LHFPL6: variants seen among roughly 807,000 people sequenced by gnomAD.
LHFPL6 encodes the protein LHFPL tetraspan subfamily member 6.
In LHFPL6, 9 loss-of-function variants were observed where a neutral mutation model predicts 20.6. That is an observed-to-expected ratio of 0.44 (90% CI 0.26 to 0.76). The LOEUF is 0.76. LHFPL6 is among the 30% of genes least tolerant of loss of function. The pLI is 0.20. For missense variants in LHFPL6, 218 were observed against 253.5 expected, an observed-to-expected ratio of 0.86 and a Z score of 0.95; for synonymous variants, 105 against 98.7, an observed-to-expected ratio of 1.06 and a Z score of -0.38.
Position 39,550,099 on chromosome 13 carries a change from T to A in LHFPL6, c.385+50733A>T, listed in dbSNP as rs372197976. 1.4e-4 allele frequency among the ~76,000 whole-genome samples: 22 copies of A among 152,280 alleles called. No individual in the cohort carries two copies. In the East Asian group the frequency reaches 2.3e-3, roughly 16 times the overall value. On this transcript the variant is annotated intron_variant, in intron 2 of 3. Transcript: ENST00000379589. ...TGTGAATATACCAAAAACCATTGAA[T>A]TATATATTTTAAAGGGGAAATTGTA...
intron 2 of LHFPL6, among the ~76,000 whole-genome samples, chr13:39,539,423 C>T (rs1870727103): frequency 6.6e-6 from 1 of 152,128 alleles, no homozygotes; most frequent in Non-Finnish European, 1.5e-5. Context: ...GATCTCTGGT[C>T]CTGGAGCTGA....
At chr13:39,463,523 T>C (rs1008395605) in intron 2 of LHFPL6, among the ~76,000 whole-genome samples, 4 of 152,178 alleles carry the variant, frequency 2.6e-5, no homozygotes, top group Admixed American at 2.0e-4. Context: ...TTAATGTATA[T>C]CTTGCATACA....
At chr13:39,462,274 T>C (rs969303189) in intron 2 of LHFPL6, among the ~76,000 whole-genome samples, 1 of 152,190 alleles carries the variant, frequency 6.6e-6, no homozygotes, top group Non-Finnish European at 1.5e-5. Flanking sequence ...TAAGGATTTA[T>C]TTATCAAAAT....
Position 39,342,901 on chromosome 13 carries a change from AAG to A in LHFPL6, c.*1033_*1034del, listed in dbSNP as rs1869285813. ...CCATGACTCATCTAGCTATTGATCA[AAG>A]AGAGAATTTATTCACAGAGATTTTC... On this transcript the variant is annotated 3_prime_UTR_variant, in exon 4 of 4. Transcript: ENST00000379589. 5.6e-6 allele frequency: 1 copy of A among 178,614 alleles called. No homozygotes were observed. Among genetic ancestry groups the A allele is most frequent in the South Asian group, 2.0e-4 (1 of 5,048 alleles). The allele number at this position is 178,614 out of a possible 1,614,324, so 11.1% of individuals were successfully genotyped here.
intron 2 of LHFPL6, among the ~76,000 whole-genome samples, chr13:39,383,495 C>T (rs181905144): frequency 1.3e-5 from 2 of 152,234 alleles, no homozygotes; most frequent in Non-Finnish European, 2.9e-5. Flanking sequence ...CAGCCACCTG[C>T]CACTAGTGGC....
intron 1 of LHFPL6, among the ~76,000 whole-genome samples, chr13:39,602,422 C>CT (rs1483109672): frequency 2.0e-5 from 3 of 152,038 alleles, no homozygotes; most frequent in East Asian, 3.9e-4. Flanking sequence ...TCGGCTACTA[C>CT]TTTTTTTTCT....
intron 2 of LHFPL6, among the ~76,000 whole-genome samples, chr13:39,543,504 T>G (rs1020757784): frequency 5.9e-5 from 9 of 152,204 alleles, no homozygotes; most frequent in African/African-American, 2.2e-4. Flanking sequence ...GGACGTTCCC[T>G]GGGGTTTTCT....
At chr13:39,387,816 T>C (rs1196153924) in intron 2 of LHFPL6, among the ~76,000 whole-genome samples, 1 of 152,090 alleles carries the variant, frequency 6.6e-6, no homozygotes, top group Non-Finnish European at 1.5e-5. Context: ...GAAGGAGGAA[T>C]GGGGTAGAAG....
Position 39,549,548 on chromosome 13 carries a change from A to C in LHFPL6, c.385+51284T>G, listed in dbSNP as rs557639396. Among the ~76,000 whole-genome samples, 12 of 152,216 alleles carry C rather than the reference A, an allele frequency of 7.9e-5. No homozygotes were observed. The East Asian group carries it at 2.3e-3, about 29-fold the overall frequency. Reference sequence around the variant, plus strand: ...GTTGGCAAGGATGTCAAGCAACTACAATTGTCATATACTGCTGGTAGAAAC... The same window carrying C: ...GTTGGCAAGGATGTCAAGCAACTACCATTGTCATATACTGCTGGTAGAAAC... On this transcript the variant is annotated intron_variant, in intron 2 of 3. Transcript: ENST00000379589.
intron 2 of LHFPL6, among the ~76,000 whole-genome samples, chr13:39,592,858 C>T (rs541132959): frequency 2.6e-5 from 4 of 152,160 alleles, no homozygotes; most frequent in East Asian, 3.9e-4. Flanking sequence ...ATAAACAGAA[C>T]CAAAGACAAA....
At chr13:39,537,013 C>G (rs1870639946) in intron 2 of LHFPL6, among the ~76,000 whole-genome samples, 1 of 152,210 alleles carries the variant, frequency 6.6e-6, no homozygotes, top group Non-Finnish European at 1.5e-5. Flanking sequence ...TGAGAACGTT[C>G]CCTCCATGGG....
At chr13:39,352,580 G>A (rs1474459922) in intron 3 of LHFPL6, among the ~76,000 whole-genome samples, 1 of 152,036 alleles carries the variant, frequency 6.6e-6, no homozygotes, top group African/African-American at 2.4e-5. Flanking sequence ...TCCCCACAAA[G>A]TCACTGCTGA....
chr13:39,539,678 G>A (rs1325715114), intron 2 of LHFPL6, among the ~76,000 whole-genome samples: 1 of 152,222 alleles, frequency 6.6e-6, no homozygotes, highest in Non-Finnish European at 1.5e-5. Context: ...CCAAGCAGGT[G>A]CAGATTCAAT....
intron 3 of LHFPL6, among the ~76,000 whole-genome samples, chr13:39,376,467 G>T (rs1870296322): frequency 6.6e-6 from 1 of 152,162 alleles, no homozygotes; most frequent in Non-Finnish European, 1.5e-5. Flanking sequence ...TTTTATCCAT[G>T]CAAATTAGGT....
chr13:39,520,430 T>C (rs1390431503), intron 2 of LHFPL6, among the ~76,000 whole-genome samples: 1 of 151,638 alleles, frequency 6.6e-6, no homozygotes, highest in African/African-American at 2.4e-5. Flanking sequence ...TCAGGAAGAG[T>C]GCTGTATGGA....
intron 2 of LHFPL6, among the ~76,000 whole-genome samples, chr13:39,404,078 C>T (rs765425025): frequency 5.9e-5 from 9 of 152,206 alleles, no homozygotes; most frequent in Non-Finnish European, 1.5e-5. Flanking sequence ...GCTCAAGGAA[C>T]ACAGTGTGTG....
At chr13:39,528,897 A>G (rs2138492905) in intron 2 of LHFPL6, among the ~76,000 whole-genome samples, 1 of 152,292 alleles carries the variant, frequency 6.6e-6, no homozygotes. Flanking sequence ...CTTTCGAAGG[A>G]AAAAAATGTA....
chr13:39,409,297 TACAAAGA>T (rs1871196259), intron 2 of LHFPL6, among the ~76,000 whole-genome samples: 1 of 151,790 alleles, frequency 6.6e-6, no homozygotes, highest in African/African-American at 2.4e-5. Context: ...CTACTAAAAA[TACAAAGA>T]TTAGCCGGGC....
In LHFPL6 at chr13:39,483,573, AAC is replaced by A. The variant is rs1432766284; in HGVS notation, c.386-105049_386-105048del. Reference sequence around the variant, plus strand: ...AAAGGGCATTCTAATGATACCATGAAACACACAGTGTTTTGCTATAGATTCCT... The same window carrying A: ...AAAGGGCATTCTAATGATACCATGAAACACAGTGTTTTGCTATAGATTCCT... On this transcript the variant is annotated intron_variant, in intron 2 of 3. Coordinates refer to ENST00000379589, the MANE Select transcript of LHFPL6 (RefSeq NM_005780.3). 2.6e-5 allele frequency among the ~76,000 whole-genome samples: 4 copies of A among 151,884 alleles called. No individual in the cohort carries two copies. In the South Asian group the frequency reaches 8.3e-4, roughly 32 times the overall value.
Sources: allele counts gnomAD v4.1 joint callset (sites outside exome capture counted in the v4.1 genomes callset), GRCh38; gene constraint gnomAD v4.1.1; transcripts MANE v1.5; gene names NCBI Gene and HGNC (gene_info 2026-07-23, HGNC 2026-07-21).